Variants in DNER observed in about 807,000 individuals in gnomAD.
DNER encodes the protein delta and Notch-like epidermal growth factor-related receptor.
DNER carries 33 observed loss-of-function variants against 78.2 expected under a neutral mutation model. The ratio of observed to expected loss-of-function variants is 0.42; its 90% CI spans 0.32 to 0.56. The LOEUF is 0.56. Ranked by LOEUF, DNER falls within the 20% of genes least tolerant of loss-of-function variation. The pLI is 0.11. For missense variants in DNER, 918 were observed against 975.3 expected (o/e 0.94, Z 0.78); for synonymous variants, 417 against 384.8 (o/e 1.08, Z -0.98).
chr2:229,475,947 A>G (rs975816171), intron 7 of DNER, among the ~76,000 whole-genome samples: 1 of 152,208 alleles, frequency 6.6e-6, no homozygotes, highest in Non-Finnish European at 1.5e-5. Flanking sequence ...AGAACTGCAA[A>G]GTGCTCTATG....
At chr2:229,583,808 C>T (rs1232413448) in intron 4 of DNER, among the ~76,000 whole-genome samples, 1 of 152,158 alleles carries the variant, frequency 6.6e-6, no homozygotes, top group African/African-American at 2.4e-5. Context: ...CTTGACAAGT[C>T]TTTATCACAC....
intron 12 of DNER, among the ~76,000 whole-genome samples, chr2:229,366,518 G>A (rs1215365532): frequency 6.6e-6 from 1 of 152,154 alleles, no homozygotes; most frequent in Non-Finnish European, 1.5e-5. Context: ...TCATTTATAT[G>A]TTGACTGTTT....
At chr2:229,503,543 C>T (rs1303510516) in intron 6 of DNER, among the ~76,000 whole-genome samples, 2 of 152,148 alleles carry the variant, frequency 1.3e-5, no homozygotes, top group Non-Finnish European at 2.9e-5. Context: ...TAACAGATGC[C>T]TTAAAGGGTA....
intron 8 of DNER, among the ~76,000 whole-genome samples, chr2:229,428,957 A>T (rs1384073892): frequency 2.6e-5 from 4 of 152,174 alleles, no homozygotes; most frequent in African/African-American, 9.7e-5. Context: ...AAAAAGCCAA[A>T]AAGATAAAAT....
At chr2:229,569,627 C>A (rs1016723243) in intron 4 of DNER, among the ~76,000 whole-genome samples, 1 of 152,136 alleles carries the variant, frequency 6.6e-6, no homozygotes, top group East Asian at 1.9e-4. Flanking sequence ...TTTAAATCAT[C>A]TCTAGATTAT....
intron 1 of DNER, among the ~76,000 whole-genome samples, chr2:229,621,904 T>A (rs1247593928): frequency 6.6e-6 from 1 of 152,054 alleles, no homozygotes; most frequent in Non-Finnish European, 1.5e-5. Context: ...GCTAACACTG[T>A]GAAACCCCGT....
intron 1 of DNER, among the ~76,000 whole-genome samples, chr2:229,615,314 G>C (rs1698132432): frequency 6.6e-6 from 1 of 151,824 alleles, no homozygotes; most frequent in South Asian, 2.1e-4. Context: ...GGGAAGCTGA[G>C]GCAGAAGAAT....
intron 4 of DNER, among the ~76,000 whole-genome samples, chr2:229,584,760 C>T (rs756078583): frequency 7.0e-4 from 106 of 151,986 alleles, no homozygotes; most frequent in Admixed American, 2.1e-3. Context: ...GAAACCCCGT[C>T]TCTACTAAAA....
At chr2:229,451,883 C>A (rs548799758) in intron 7 of DNER, among the ~76,000 whole-genome samples, 1 of 152,122 alleles carries the variant, frequency 6.6e-6, no homozygotes, top group Non-Finnish European at 1.5e-5. Context: ...ATCACTCTAG[C>A]TTTATGTCAA....
intron 6 of DNER, among the ~76,000 whole-genome samples, chr2:229,502,714 C>A (rs1253669507): frequency 6.6e-6 from 1 of 152,170 alleles, no homozygotes; most frequent in African/African-American, 2.4e-5. Context: ...CACTATACAG[C>A]CCATAATGTC....
chr2:229,575,752 G>A (rs771620914), intron 4 of DNER, among the ~76,000 whole-genome samples: 3 of 152,102 alleles, frequency 2.0e-5, no homozygotes, highest in Non-Finnish European at 2.9e-5. Context: ...ACAATCAACA[G>A]GTACCAATAA....
chr2:229,611,026 T>C (rs1219394687), intron 1 of DNER, among the ~76,000 whole-genome samples: 2 of 152,214 alleles, frequency 1.3e-5, no homozygotes, highest in Non-Finnish European at 2.9e-5. Flanking sequence ...ATACCATATC[T>C]TACCAAAGCT....
intron 1 of DNER, among the ~76,000 whole-genome samples, chr2:229,602,947 G>T (rs1697859620): frequency 6.6e-6 from 1 of 152,146 alleles, no homozygotes; most frequent in Admixed American, 6.6e-5. Context: ...CAATGTGGGA[G>T]GGCTTGCTCT....
rs1285301995 is a variant in DNER, at chr2:229,506,834, TG to T, written c.1147+5948del. Among the ~76,000 whole-genome samples, 12 of 152,294 alleles carry T rather than the reference TG, an allele frequency of 7.9e-5. No homozygotes were observed. The East Asian group carries it at 2.3e-3, about 29-fold the overall frequency. ...GTTTCCAGCTTCATCCATGTCCCTATGCTATGGTCCTGATGTCAACTGAAAG... is the reference window on the plus strand; with the variant it reads ...GTTTCCAGCTTCATCCATGTCCCTATCTATGGTCCTGATGTCAACTGAAAG... On this transcript the variant is annotated intron_variant, in intron 6 of 12. Coordinates refer to ENST00000341772, the MANE Select transcript of DNER (RefSeq NM_139072.4).
chr2:229,388,015 G>A (rs1692934393), intron 11 of DNER, among the ~76,000 whole-genome samples: 3 of 151,958 alleles, frequency 2.0e-5, no homozygotes, highest in Non-Finnish European at 1.5e-5. Flanking sequence ...TTCTCATCCT[G>A]GGGAAAGGCT....
rs184220921 is a variant in DNER at position 229,690,833 on chromosome 2, T to C, written c.276+23315A>G. On this transcript the variant is annotated intron_variant, in intron 1 of 12. Transcript: ENST00000341772. Reference sequence around the variant, plus strand: ...GTAATGGGGTTTGTGTTTGTGTGTATACATGTTTGTAGATCTTGGAACTAA... The same window carrying C: ...GTAATGGGGTTTGTGTTTGTGTGTACACATGTTTGTAGATCTTGGAACTAA... Among the ~76,000 whole-genome samples, 9 of 152,366 alleles carry C rather than the reference T, an allele frequency of 5.9e-5. No individual in the cohort carries two copies. In the East Asian group the frequency reaches 1.7e-3, roughly 29 times the overall value.
At chr2:229,473,018 C>T (rs1395049718) in intron 7 of DNER, among the ~76,000 whole-genome samples, 1 of 152,112 alleles carries the variant, frequency 6.6e-6, no homozygotes, top group Non-Finnish European at 1.5e-5. Context: ...GTACCCAGAA[C>T]AGATGTTCAA....
chr2:229,393,537 A>G (rs1693064383), intron 10 of DNER, among the ~76,000 whole-genome samples: 2 of 152,056 alleles, frequency 1.3e-5, no homozygotes, highest in South Asian at 4.1e-4. Flanking sequence ...ACTCAGAAAG[A>G]AAAAAGACTT....
At chr2:229,710,917 G>C (rs1027138047) in intron 1 of DNER, among the ~76,000 whole-genome samples, 1 of 151,522 alleles carries the variant, frequency 6.6e-6, no homozygotes, top group African/African-American at 2.4e-5. Flanking sequence ...ATCCCACAGA[G>C]ACAGGATGGA....
Sources: allele counts gnomAD v4.1 joint callset (sites outside exome capture counted in the v4.1 genomes callset), GRCh38; gene constraint gnomAD v4.1.1; transcripts MANE v1.5; gene names NCBI Gene and HGNC (gene_info 2026-07-23, HGNC 2026-07-21).